The following SDCBP2 variants were observed in gnomAD, a reference collection of about 807,000 sequenced individuals.
The protein encoded by SDCBP2 is syntenin-2.
SDCBP2 carries 28 observed loss-of-function variants against 30.7 expected under a neutral mutation model. That is an observed-to-expected ratio of 0.91 (90% confidence interval 0.68 to 1.25). The LOEUF is 1.25. SDCBP2 is among the 50% of genes most tolerant of loss of function. SDCBP2 has a pLI of 0.00. For synonymous variants in SDCBP2, 166 were observed against 157.3 expected (o/e 1.06, Z -0.41); for missense variants, 399 against 379.0 (o/e 1.05, Z -0.44).
Position 1,312,463 on chromosome 20 carries a change from GTGGCCCA to G in SDCBP2, c.599_605del (p.Met200ThrfsTer5), listed in dbSNP as rs745617668. ...TCCCCTTCTTGATCACGAAGCCGACGTGGCCCATGCTGTCCTTGTGCATGGTGACAGT... is the reference window on the plus strand; with the variant it reads ...TCCCCTTCTTGATCACGAAGCCGACGTGCTGTCCTTGTGCATGGTGACAGT... On this transcript the variant is annotated frameshift_variant, in exon 7 of 9. Coordinates refer to ENST00000360779, the MANE Select transcript of SDCBP2 (RefSeq NM_080489.5). LOFTEE classifies it high-confidence loss of function. 1 of 1,614,112 alleles carries G rather than the reference GTGGCCCA, an allele frequency of 6.2e-7. No individual in the cohort carries two copies. The highest frequency in any genetic ancestry group is 2.2e-5 in the East Asian group (1 of 44,872).
At chr20:1,326,929 A>G (rs947585542) in intron 1 of SDCBP2, among the ~76,000 whole-genome samples, 1 of 152,250 alleles carries the variant, frequency 6.6e-6, no homozygotes, top group African/African-American at 2.4e-5. Context: ...CTTTCTTCCC[A>G]TGCCTGTCTG....
chr20:1,311,103 C>T, intron 7 of SDCBP2: 1 of 491,498 alleles, frequency 2.0e-6, no homozygotes, highest in Non-Finnish European at 3.6e-6. Context: ...CATGGGTCTC[C>T]CACCTGAGGA....
Position 1,318,310 on chromosome 20 carries a change from A to T in SDCBP2, c.225+8T>A. ...TGCGCCCGCAGCAGGCAGAAGCCAA[A>T]TACATACACTGTCACCCTCTGGAAT... On this transcript the variant is annotated splice_region_variant and intron_variant, in intron 4 of 8. Coordinates refer to ENST00000360779, the MANE Select transcript of SDCBP2 (RefSeq NM_080489.5). 6.2e-7 allele frequency: 1 copy of T among 1,603,220 alleles called. No individual in the cohort carries two copies. Among genetic ancestry groups the T allele is most frequent in the Non-Finnish European group, 8.5e-7 (1 of 1,170,048 alleles).
intron 5 of SDCBP2, 132 bp from the exon 6 acceptor site, chr20:1,312,894 G>A: frequency 4.3e-6 from 4 of 940,406 alleles, no homozygotes; most frequent in Non-Finnish European, 6.2e-6. Flanking sequence ...TGCATGGCAG[G>A]CACCAAGGTT....
At chr20:1,314,163 C>T (rs760274966) in intron 4 of SDCBP2, among the ~76,000 whole-genome samples, 1 of 152,190 alleles carries the variant, frequency 6.6e-6, no homozygotes, top group Non-Finnish European at 1.5e-5. Flanking sequence ...CTTCTGTATA[C>T]TAACAACGAA....
At chr20:1,317,765 G>A (rs1368033039) in intron 4 of SDCBP2, 5 of 233,024 alleles carry the variant, frequency 2.1e-5, no homozygotes, top group African/African-American at 6.9e-5. Flanking sequence ...GGCTCAGGAC[G>A]AGCCTGGCAG....
rs766762631 is a variant in SDCBP2, at chr20:1,312,541, C to T, written c.561-33G>A. ...GAGGGACAGTGAGCTGTCCTGGGGA[C>T]ATGGCTGGGGTGAGACGGAGAGGCT... On this transcript the variant is annotated intron_variant, in intron 6 of 8. Coordinates refer to ENST00000360779, the MANE Select transcript of SDCBP2 (RefSeq NM_080489.5). 3 of 1,613,894 alleles carry T rather than the reference C, an allele frequency of 1.9e-6. No individual in the cohort carries two copies. The African/African-American group carries it at 4.0e-5, about 22-fold the overall frequency.
At chr20:1,323,912 T>G (rs2088882942) in intron 1 of SDCBP2, 1 of 152,214 alleles carries the variant, frequency 6.6e-6, no homozygotes, top group African/African-American at 2.4e-5. Flanking sequence ...AAAGGCATAC[T>G]GTATCCCCTG....
At chr20:1,315,655 A>G (rs1490349709) in intron 4 of SDCBP2, among the ~76,000 whole-genome samples, 1 of 152,252 alleles carries the variant, frequency 6.6e-6, no homozygotes, top group Non-Finnish European at 1.5e-5. Flanking sequence ...ACGTAAACGC[A>G]AAACATAAAA....
chr20:1,318,368 A>T lies in SDCBP2; in HGVS notation c.175T>A (p.Ser59Thr). ...ELENYMGLSL[S>T]SQEVQESLLQ... ...AGGCTCTCCTGGACTTCTTGGCTGG[A>T]GAGGGAAAGACCCATATAATTTTCC... The change falls in exon 4 of 9, where the codon TCC becomes ACC. Residue 59 changes from serine (S) to threonine (T), a missense_variant. By Grantham distance (58) the Ser-to-Thr change is moderately conservative. Coordinates refer to ENST00000360779, the MANE Select transcript of SDCBP2 (RefSeq NM_080489.5). 1.2e-6 allele frequency: 2 copies of T among 1,613,470 alleles called. No homozygotes were observed. The highest frequency in any genetic ancestry group is 1.7e-6 in the Non-Finnish European group (2 of 1,179,764).
rs1156790584 is a variant in SDCBP2 at position 1,310,152 on chromosome 20, C to T, written c.*289G>A. 1.5e-5 allele frequency: 5 copies of T among 325,496 alleles called. No homozygotes were observed. The highest frequency in any genetic ancestry group is 2.2e-5 in the Non-Finnish European group (4 of 179,090). 20.2% of individuals were successfully genotyped at this position (325,496 alleles called of 1,614,324 possible). A position where few individuals can be genotyped will look rare whatever the true frequency, so the allele number is the denominator to read the frequency against. ...AAATTTCTTGAAAGGGGCCCAGTTG[C>T]GACTTTAAGCAGCGTTTAAACAGCC... On this transcript the variant is annotated 3_prime_UTR_variant, in exon 9 of 9. Transcript: ENST00000360779.
chr20:1,320,336 C>T lies in SDCBP2; in HGVS notation c.54+27G>A. 1 of 1,609,320 alleles carries T rather than the reference C, an allele frequency of 6.2e-7. No individual in the cohort carries two copies. Among genetic ancestry groups the T allele is most frequent in the Non-Finnish European group, 8.5e-7 (1 of 1,176,186 alleles). On this transcript the variant is annotated intron_variant, in intron 2 of 8. Coordinates refer to ENST00000360779, the MANE Select transcript of SDCBP2 (RefSeq NM_080489.5). This position sits in a 1 kb window ranked among gnomAD's most constrained non-coding sequence, Gnocchi z 4.7. The stretch of plus-strand genomic sequence containing the variant: ...ATCCCCAAGGTCCCCTTCAGGGAAT[C>T]CAGGCCAATGGGGCCTGGCGACTTA...
chr20:1,318,524 T>C (rs1464502488), intron 3 of SDCBP2, 106 bp from the exon 4 acceptor site: 1 of 667,028 alleles, frequency 1.5e-6, no homozygotes, highest in Non-Finnish European at 2.6e-6. Context: ...AAATGGAGCC[T>C]GGGAATGGTA....
At position 1,310,502 on chromosome 20, in the gene SDCBP2, A is replaced by G. The variant is rs1459021982; in HGVS notation, c.825-7T>C. The G allele has an allele frequency of 2.5e-6, 4 of 1,613,324 alleles. No individual in the cohort carries two copies. The African/African-American group carries it at 4.0e-5, about 16-fold the overall frequency. On this transcript the variant is annotated splice_polypyrimidine_tract_variant and splice_region_variant and intron_variant, in intron 8 of 8. Transcript: ENST00000360779. ...GAGCAGGACTGGAGGCAACCTGGAT[A>G]CAGCAACAACAGTGACCAGGTTGGC...
At chr20:1,315,616 C>T (rs1330735063) in intron 4 of SDCBP2, among the ~76,000 whole-genome samples, 2 of 152,040 alleles carry the variant, frequency 1.3e-5, no homozygotes, top group Admixed American at 6.6e-5. Flanking sequence ...TAACTCCTTA[C>T]AAAAAAATTA....
intron 1 of SDCBP2, among the ~76,000 whole-genome samples, chr20:1,327,227 C>T (rs904102576): frequency 2.0e-5 from 3 of 152,278 alleles, no homozygotes; most frequent in African/African-American, 7.2e-5. Flanking sequence ...ATAACAACAC[C>T]CACAACAAAC....
intron 4 of SDCBP2, chr20:1,317,691 T>G (rs754154657): frequency 5.0e-6 from 1 of 198,478 alleles, no homozygotes; most frequent in Non-Finnish European, 1.1e-5. Context: ...TATCATCATA[T>G]CCATGAACTT....
intron 4 of SDCBP2, 42 bp downstream of exon 4, chr20:1,318,276 G>T (rs1220884308): frequency 7.6e-7 from 1 of 1,322,930 alleles, no homozygotes. Context: ...AGGGAGGATT[G>T]GGAGGTTCTG....
At position 1,313,240 on chromosome 20, in the gene SDCBP2, T is replaced by A; in HGVS notation, c.384+100A>T. On this transcript the variant is annotated intron_variant, in intron 5 of 8. Coordinates refer to ENST00000360779, the MANE Select transcript of SDCBP2 (RefSeq NM_080489.5). The surrounding 1 kb of genome is among the most constrained non-coding windows in gnomAD (Gnocchi z 5.2). ...GCCGCTGGGGTTAGGAGGCCCGCTC[T>A]GCACCTTCCTTACTGTGGACGGGCC... 1 of 1,293,140 alleles carries A rather than the reference T, an allele frequency of 7.7e-7. No homozygotes were observed. The highest frequency in any genetic ancestry group is 1.1e-6 in the Non-Finnish European group (1 of 926,482). 80.1% of individuals were successfully genotyped at this position (1,293,140 alleles called of 1,614,324 possible).
Sources: gnomAD v4.1 joint callset for allele counts (sites outside exome capture counted in the v4.1 genomes callset) on GRCh38, gnomAD v4.1.1 for gene constraint, Gnocchi (gnomAD v3.1) non-coding constraint, MANE v1.5 for transcripts, NCBI Gene and HGNC (gene_info 2026-07-23, HGNC 2026-07-21) for gene names.